Variants in DLG2 observed in about 807,000 individuals in gnomAD.
DLG2 encodes discs large MAGUK scaffold protein 2.
Under a neutral mutation model 132.5 loss-of-function variants are expected in DLG2, and 45 were observed. That is an observed-to-expected ratio of 0.34 (90% confidence interval 0.27 to 0.44). The LOEUF is 0.44. Ranked by LOEUF, DLG2 falls within the 20% of genes least tolerant of loss-of-function variation. The pLI is 1.00. For missense variants in DLG2, 1,045 were observed against 1,196.9 expected, an observed-to-expected ratio of 0.87 and a Z score of 1.87; for synonymous variants, 424 against 419.6, an observed-to-expected ratio of 1.01 and a Z score of -0.13.
intron 4 of DLG2, among the ~76,000 whole-genome samples, chr11:85,217,316 T>TCACACACACACACA (rs71895547): frequency 8.1e-4 from 112 of 138,344 alleles, no homozygotes; most frequent in Middle Eastern, 3.6e-3. Context: ...TCTCTCTCTC[T>TCACACACACACACA]CTCACACACA....
At chr11:85,242,011 C>A (rs576391535) in intron 4 of DLG2, among the ~76,000 whole-genome samples, 1 of 152,008 alleles carries the variant, frequency 6.6e-6, no homozygotes, top group African/African-American at 2.4e-5. Context: ...TATAGTGAAT[C>A]TCCTTCTAGC....
intron 9 of DLG2, among the ~76,000 whole-genome samples, chr11:84,139,517 TAAC>T (rs1384035559): frequency 6.6e-6 from 1 of 152,124 alleles, no homozygotes; most frequent in South Asian, 2.1e-4. Flanking sequence ...TAATTACTAT[TAAC>T]AAATTATTAT....
chr11:84,085,026 A>C (rs1190863753), intron 10 of DLG2, among the ~76,000 whole-genome samples: 1 of 152,186 alleles, frequency 6.6e-6, no homozygotes, highest in Non-Finnish European at 1.5e-5. Flanking sequence ...TACCAATTTA[A>C]CTACTGCCCA....
At chr11:85,457,046 C>T (rs1162465193) in intron 3 of DLG2, among the ~76,000 whole-genome samples, 1 of 152,104 alleles carries the variant, frequency 6.6e-6, no homozygotes, top group Non-Finnish European at 1.5e-5. Context: ...GTCCTGTACT[C>T]TAATTGTGTG....
At chr11:85,356,626 G>T (rs2083711217) in intron 3 of DLG2, among the ~76,000 whole-genome samples, 1 of 152,280 alleles carries the variant, frequency 6.6e-6, no homozygotes, top group African/African-American at 2.4e-5. Flanking sequence ...GCATGTACTA[G>T]TCCATTGATC....
rs147736048 is a variant in DLG2, at chr11:83,700,608, T to C, written c.1826-67283A>G. 3.8e-3 allele frequency among the ~76,000 whole-genome samples: 585 copies of C among 152,182 alleles called. 3 individuals carry two copies. Among genetic ancestry groups the C allele is most frequent in the Middle Eastern group, 0.017 (5 of 294 alleles). On this transcript the variant is annotated intron_variant, in intron 18 of 27. Coordinates refer to ENST00000376104, the MANE Select transcript of DLG2 (RefSeq NM_001142699.3). ...AAAACAAGAATGTCTTAGAACAAAA[T>C]GAGAAAAGATGAACAGTTGCCAATG...
chr11:85,422,421 G>C (rs1208725581), intron 3 of DLG2, among the ~76,000 whole-genome samples: 1 of 151,990 alleles, frequency 6.6e-6, no homozygotes, highest in Non-Finnish European at 1.5e-5. Context: ...GGGTTAATTT[G>C]AAGACCTTGT....
chr11:85,324,639 C>T (rs925935666), intron 3 of DLG2, among the ~76,000 whole-genome samples: 6 of 152,066 alleles, frequency 3.9e-5, no homozygotes, highest in Non-Finnish European at 7.4e-5. Flanking sequence ...CGGCTGCCTA[C>T]AGAAAAAAGC....
intron 17 of DLG2, among the ~76,000 whole-genome samples, chr11:83,824,499 C>T (rs1198891191): frequency 6.6e-6 from 1 of 151,916 alleles, no homozygotes; most frequent in Non-Finnish European, 1.5e-5. Context: ...AATTTACTTC[C>T]GTCAAATAAA....
intron 3 of DLG2, among the ~76,000 whole-genome samples, chr11:85,519,737 A>AT (rs879513832): frequency 2.0e-5 from 3 of 152,126 alleles, no homozygotes; most frequent in Non-Finnish European, 4.4e-5. Flanking sequence ...TCCAAATCTC[A>AT]TCTTGAATTC....
intron 18 of DLG2, among the ~76,000 whole-genome samples, chr11:83,773,419 A>G (rs565326212): frequency 6.6e-6 from 1 of 152,332 alleles, no homozygotes; most frequent in South Asian, 2.1e-4. Context: ...CCAAGACTCT[A>G]TTTTCAAATT....
chr11:84,674,849 T>C (rs922786128), intron 6 of DLG2, among the ~76,000 whole-genome samples: 1 of 152,122 alleles, frequency 6.6e-6, no homozygotes, highest in African/African-American at 2.4e-5. Flanking sequence ...CATGGGCTCA[T>C]CTTTAATCTC....
At chr11:85,052,871 G>T (rs76241611) in intron 6 of DLG2, among the ~76,000 whole-genome samples, 2,963 of 152,220 alleles carry the variant, frequency 0.019, 52 homozygotes, top group Admixed American at 0.041. Flanking sequence ...CCTCCTCATT[G>T]TATAGTTCTG....
rs539315980 is a variant in DLG2 at position 83,590,696 on chromosome 11, C to T, written c.1940+42515G>A. Among the ~76,000 whole-genome samples, 123 of 152,234 alleles carry T rather than the reference C, an allele frequency of 8.1e-4. 1 individual carries two copies. In the Middle Eastern group the frequency reaches 0.038, roughly 47 times the overall value. Reference sequence around the variant, plus strand: ...AAAACCCTTCAAAAAATTAATGAATCCAGGAGCTGGTTTTTTGAAAGGATC... The same window carrying T: ...AAAACCCTTCAAAAAATTAATGAATTCAGGAGCTGGTTTTTTGAAAGGATC... On this transcript the variant is annotated intron_variant, in intron 19 of 27. Transcript: ENST00000376104.
At chr11:83,758,330 C>A (rs1038891901) in intron 18 of DLG2, among the ~76,000 whole-genome samples, 4 of 152,114 alleles carry the variant, frequency 2.6e-5, no homozygotes, top group Admixed American at 2.6e-4. Context: ...GAACTATGCA[C>A]CCCTCTCCAC....
intron 13 of DLG2, 102 bp from the exon 14 acceptor site, chr11:83,963,125 T>C (rs2089281774): frequency 7.5e-7 from 1 of 1,336,628 alleles, no homozygotes; most frequent in Admixed American, 2.0e-5. Context: ...AAGGCTTTGC[T>C]GCATGCCAAG....
At chr11:85,317,592 G>T (rs1001424225) in intron 3 of DLG2, among the ~76,000 whole-genome samples, 2 of 151,876 alleles carry the variant, frequency 1.3e-5, no homozygotes, top group Non-Finnish European at 2.9e-5. Flanking sequence ...ATAGTCTTTT[G>T]TTCCTTCCTC....
intron 6 of DLG2, among the ~76,000 whole-genome samples, chr11:85,040,969 C>T (rs1158731130): frequency 1.3e-5 from 2 of 151,746 alleles, no homozygotes; most frequent in Non-Finnish European, 2.9e-5. Context: ...ATAGGTGGAG[C>T]TGGTTTGTGT....
chr11:85,309,659 A>G (rs921945149), intron 3 of DLG2, among the ~76,000 whole-genome samples: 4 of 152,128 alleles, frequency 2.6e-5, no homozygotes, highest in South Asian at 2.1e-4. Flanking sequence ...GTCCCTGCCC[A>G]TCACTAGAGA....
Sources: allele counts gnomAD v4.1 joint callset (sites outside exome capture counted in the v4.1 genomes callset), GRCh38; gene constraint gnomAD v4.1.1; transcripts MANE v1.5; gene names NCBI Gene and HGNC (gene_info 2026-07-23, HGNC 2026-07-21).